Variants in KNSTRN observed in about 807,000 individuals in gnomAD.
KNSTRN encodes small kinetochore-associated protein.
In KNSTRN, 38 loss-of-function variants were observed where a neutral mutation model predicts 44.7. That is an observed-to-expected ratio of 0.85 (90% CI 0.66 to 1.11). KNSTRN has a LOEUF of 1.11. Ranked by LOEUF, KNSTRN falls within the 50% of genes most tolerant of loss-of-function variation. KNSTRN has a pLI of 0.00. For synonymous variants in KNSTRN, 158 were observed against 148.1 expected (o/e 1.07, Z -0.48); for missense variants, 406 against 375.8 (o/e 1.08, Z -0.66).
intron 6 of KNSTRN, among the ~76,000 whole-genome samples, chr15:40,391,153 C>T (rs2141275990): frequency 6.6e-6 from 1 of 152,040 alleles, no homozygotes; most frequent in East Asian, 1.9e-4. Flanking sequence ...TTTTTTAAGG[C>T]CTGAAAGGCT....
chr15:40,387,243 A>G lies in KNSTRN; in HGVS notation c.485+37A>G, dbSNP rs374878758. The stretch of plus-strand genomic sequence containing the variant: ...GGTAAATCAACTTGGCCACTATTCT[A>G]GGGTAGTGGATCTCAATCCTTGGTT... On this transcript the variant is annotated intron_variant, in intron 4 of 8. Transcript: ENST00000249776. 6.8e-6 allele frequency: 10 copies of G among 1,479,562 alleles called. No individual in the cohort carries two copies. The African/African-American group carries it at 9.7e-5, about 14-fold the overall frequency. The allele number at this position is 1,479,562 out of a possible 1,614,324, so 91.7% of individuals were successfully genotyped here. A position where few individuals can be genotyped will look rare whatever the true frequency, so the allele number is the denominator to read the frequency against.
rs775636269 is a variant in KNSTRN, at chr15:40,389,495, T to A, written c.486-11T>A. The A allele has an allele frequency of 1.2e-6, 2 of 1,602,658 alleles. No homozygotes were observed. The highest frequency in any genetic ancestry group is 2.2e-5 in the East Asian group (1 of 44,822). On this transcript the variant is annotated splice_polypyrimidine_tract_variant and intron_variant, in intron 4 of 8. Coordinates refer to ENST00000249776, the MANE Select transcript of KNSTRN (RefSeq NM_033286.4). ...TTTTATCTTTTCATGTAAGTACAAC[T>A]ATTATTACAGCTACAAACCACTGAG...
At position 40,387,005 on chromosome 15, in the gene KNSTRN, T is replaced by C. The variant is rs149391290; in HGVS notation, c.438-154T>C. Among the ~76,000 whole-genome samples the C allele has an allele frequency of 1.2e-3, 188 of 152,366 alleles. 1 individual carries two copies. Among genetic ancestry groups the C allele is most frequent in the Non-Finnish European group, 2.4e-3 (162 of 68,040 alleles). ...TTTTCAATAATCTGTGCCGAAGCAG[T>C]AATGCATAGTCTCTCAGAGCTCTTA... On this transcript the variant is annotated intron_variant, in intron 3 of 8. Transcript: ENST00000249776.
chr15:40,390,009 C>T (rs1486243299), intron 6 of KNSTRN, 80 bp downstream of exon 6: 24 of 1,082,974 alleles, frequency 2.2e-5, no homozygotes, highest in Admixed American at 3.4e-5. Flanking sequence ...GGCAGCATGG[C>T]ATCAGCTGGC....
rs1267007212 is a variant in KNSTRN at position 40,387,220 on chromosome 15, T to C, written c.485+14T>C. The C allele has an allele frequency of 6.2e-7, 1 of 1,604,242 alleles. No homozygotes were observed. The highest frequency in any genetic ancestry group is 2.2e-5 in the East Asian group (1 of 44,824). ...TGTCAGAAAAGGGTGAGCATCAGGG[T>C]AAATCAACTTGGCCACTATTCTAGG... On this transcript the variant is annotated intron_variant, in intron 4 of 8. Coordinates refer to ENST00000249776, the MANE Select transcript of KNSTRN (RefSeq NM_033286.4).
At chr15:40,387,361 G>A in intron 4 of KNSTRN, 155 bp downstream of exon 4, 1 of 692,950 alleles carries the variant, frequency 1.4e-6, no homozygotes, top group Admixed American at 2.1e-5. Context: ...GTGAGGCACA[G>A]CTAGGTGTAA....
intron 2 of KNSTRN, chr15:40,384,742 G>GA (rs371749532): frequency 0.012 from 1,926 of 162,652 alleles, 5 homozygotes; most frequent in South Asian, 0.029. Context: ...ATGCACATGT[G>GA]AAAAAAAAAA....
chr15:40,392,238 G>T (rs1370307712), intron 8 of KNSTRN, among the ~76,000 whole-genome samples: 1 of 151,206 alleles, frequency 6.6e-6, no homozygotes, highest in Non-Finnish European at 1.5e-5. Context: ...GGGTGTGTAG[G>T]CTTGTTACAC....
chr15:40,391,181 G>T (rs184478420), intron 6 of KNSTRN, among the ~76,000 whole-genome samples: 7 of 152,224 alleles, frequency 4.6e-5, no homozygotes, highest in Admixed American at 2.6e-4. Flanking sequence ...ATAGCTTTGT[G>T]AATTGTGAAC....
chr15:40,387,090 C>A, intron 3 of KNSTRN, 69 bp from the exon 4 acceptor site: 1 of 1,154,638 alleles, frequency 8.7e-7, no homozygotes, highest in South Asian at 1.3e-5. Context: ...GCTCTTTGTT[C>A]TGCCTGTTCA....
chr15:40,383,939 CG>C (rs1209966533), intron 2 of KNSTRN: 1 of 153,440 alleles, frequency 6.5e-6, no homozygotes, highest in African/African-American at 2.4e-5. Flanking sequence ...GGTCTGCAGT[CG>C]GGGAACTGCC....
rs1031323923 is a variant in KNSTRN, at chr15:40,387,653, A to G, written c.485+447A>G. On this transcript the variant is annotated intron_variant, in intron 4 of 8. Transcript: ENST00000249776. The stretch of plus-strand genomic sequence containing the variant: ...TGCACTATCAGAAATAGAAATAATA[A>G]GCTGAAAAGTCTGTACAAATAGGTT... Among the ~76,000 whole-genome samples the G allele has an allele frequency of 6.6e-5, 10 of 152,280 alleles. 2 individuals are homozygous for G.
At chr15:40,385,862 C>T (rs999779025) in intron 2 of KNSTRN, among the ~76,000 whole-genome samples, 4 of 152,226 alleles carry the variant, frequency 2.6e-5, no homozygotes, top group Admixed American at 2.6e-4. Flanking sequence ...ACATGCTGTA[C>T]TGTCACGTTT....
chr15:40,382,902 G>C lies in KNSTRN; in HGVS notation c.67G>C (p.Asp23His), dbSNP rs761730079. The C allele has an allele frequency of 6.2e-7, 1 of 1,612,272 alleles. No individual in the cohort carries two copies. The highest frequency in any genetic ancestry group is 8.5e-7 in the Non-Finnish European group (1 of 1,180,034). The change falls in exon 1 of 9, where the codon GAT becomes CAT. Residue 23 changes from aspartate to histidine, a missense_variant. Asp to His is a moderately conservative substitution (Grantham distance 81, BLOSUM62 -1). Transcript: ENST00000249776. ...TACAACATGGCTGTCTACAGAGTGC[G>C]ATTCCCACCCACTTCCGCCTAGCTA... Reference protein sequence around the residue: ...FRTTWLSTECDSHPLPPSYRK... With the variant: ...FRTTWLSTECHSHPLPPSYRK...
intron 6 of KNSTRN, 56 bp downstream of exon 6, chr15:40,389,985 C>A: frequency 7.1e-7 from 1 of 1,402,740 alleles, no homozygotes; most frequent in South Asian, 1.2e-5. Flanking sequence ...TGTGCCCCTT[C>A]CGGGGTTGAT....
intron 2 of KNSTRN, chr15:40,385,019 G>T (rs1228076623): frequency 6.6e-6 from 1 of 152,304 alleles, no homozygotes; most frequent in African/African-American, 2.4e-5. Flanking sequence ...ACTAATACTT[G>T]AGAGAGGAGA....
chr15:40,385,387 T>A (rs1889885131), intron 2 of KNSTRN, among the ~76,000 whole-genome samples: 1 of 152,182 alleles, frequency 6.6e-6, no homozygotes, highest in Admixed American at 6.5e-5. Context: ...AAGATCAGAT[T>A]AGAATGCCTA....
rs769954631 is a variant in KNSTRN at position 40,382,978 on chromosome 15, C to G, written c.143C>G (p.Thr48Arg). The G allele has an allele frequency of 6.2e-7, 1 of 1,612,212 alleles. No individual in the cohort carries two copies. Among genetic ancestry groups the G allele is most frequent in the Non-Finnish European group, 8.5e-7 (1 of 1,180,044 alleles). The change falls in exon 1 of 9, where the codon ACA becomes AGA. Residue 48 changes from threonine (T) to arginine (R), a missense_variant. Physicochemically the swap from Thr to Arg is moderately conservative, Grantham distance 71. Coordinates refer to ENST00000249776, the MANE Select transcript of KNSTRN (RefSeq NM_033286.4). Reference sequence around the variant, plus strand: ...GCGGCCGACTTAGCCGGTGGCACGACAGTTGCTGCAGGGAATCTTTTAAAC... The same window carrying G: ...GCGGCCGACTTAGCCGGTGGCACGAGAGTTGCTGCAGGGAATCTTTTAAAC... ...TQAADLAGGT[T>R]VAAGNLLNES...
At position 40,382,854 on chromosome 15, in the gene KNSTRN, C is replaced by A. The variant is rs1438983381; in HGVS notation, c.19C>A (p.Pro7Thr). 6.2e-7 allele frequency: 1 copy of A among 1,611,368 alleles called. No homozygotes were observed. The highest frequency in any genetic ancestry group is 8.5e-7 in the Non-Finnish European group (1 of 1,179,672). The change falls in exon 1 of 9, where the codon CCG becomes ACG. Residue 7 changes from proline (P) to threonine (T), a missense_variant. Coordinates refer to ENST00000249776, the MANE Select transcript of KNSTRN (RefSeq NM_033286.4). MAAPEA[P>T]PLDRVFRTTW... ...GTACAGTATGGCGGCTCCCGAAGCC[C>A]CGCCCCTGGACAGAGTTTTCCGTAC...
Sources: allele counts gnomAD v4.1 joint callset (sites outside exome capture counted in the v4.1 genomes callset), GRCh38; gene constraint gnomAD v4.1.1; transcripts MANE v1.5; gene names NCBI Gene and HGNC (gene_info 2026-07-23, HGNC 2026-07-21).